The following IKZF3 variants were observed in gnomAD, a reference collection of about 807,000 sequenced individuals.
The protein encoded by IKZF3 is zinc finger protein Aiolos.
IKZF3 carries 10 observed loss-of-function variants against 49.0 expected under a neutral mutation model. The ratio of observed to expected loss-of-function variants is 0.20; its 90% CI spans 0.13 to 0.35. The LOEUF (loss-of-function observed/expected upper bound fraction) is 0.35. IKZF3 is among the 10% of genes least tolerant of loss of function. The probability of loss-of-function intolerance (pLI) is 1.00; values close to 1 mark genes in which losing one functional copy is unlikely to be tolerated. For missense variants in IKZF3, 498 were observed against 664.8 expected (o/e 0.75, Z 2.76); for synonymous variants, 209 against 228.2 (o/e 0.92, Z 0.76).
intron 2 of IKZF3, among the ~76,000 whole-genome samples, chr17:39,830,098 C>T (rs894840086): frequency 1.3e-5 from 2 of 152,146 alleles, no homozygotes; most frequent in East Asian, 1.9e-4. Context: ...GTATATCTCA[C>T]GATATTCAGT....
At chr17:39,781,442 T>C (rs1465838329) in intron 6 of IKZF3, among the ~76,000 whole-genome samples, 2 of 152,136 alleles carry the variant, frequency 1.3e-5, no homozygotes, top group Non-Finnish European at 1.5e-5. Flanking sequence ...AAAAGATTTA[T>C]AGGGAAAAAA....
At chr17:39,789,893 C>T (rs1238662787) in intron 5 of IKZF3, among the ~76,000 whole-genome samples, 40 of 139,862 alleles carry the variant, frequency 2.9e-4, no homozygotes, top group Middle Eastern at 3.7e-3. Context: ...AGCAAGACTC[C>T]GTCTCAAAAA....
At chr17:39,822,316 G>T (rs2061831306) in intron 3 of IKZF3, among the ~76,000 whole-genome samples, 1 of 152,144 alleles carries the variant, frequency 6.6e-6, no homozygotes, top group Non-Finnish European at 1.5e-5. Context: ...CATGTCATAG[G>T]AGGGACCCAG....
chr17:39,855,784 A>G (rs12943472), intron 1 of IKZF3, among the ~76,000 whole-genome samples: 4,064 of 152,268 alleles, frequency 0.027, 190 homozygotes, highest in African/African-American at 0.093. Flanking sequence ...TACTCCCAGA[A>G]ACTTGAGAAA....
In IKZF3 at chr17:39,796,450, T is replaced by C. The variant is rs2061163730; in HGVS notation, c.164-3517A>G. On this transcript the variant is annotated intron_variant, in intron 3 of 7. Transcript: ENST00000346872. ...ATCAACTCTATGTCTTCAGGCTCTC[T>C]AGGTGCCAACTCCTCTTTTCCTTTC... Among the ~76,000 whole-genome samples, 3 of 152,140 alleles carry C rather than the reference T, an allele frequency of 2.0e-5. No homozygotes were observed. The South Asian group carries it at 6.2e-4, about 32-fold the overall frequency.
chr17:39,783,481 C>T (rs1276191435), intron 6 of IKZF3, among the ~76,000 whole-genome samples: 1 of 152,132 alleles, frequency 6.6e-6, no homozygotes, highest in Non-Finnish European at 1.5e-5. Context: ...GCTATCGTGC[C>T]TGGCTAATTT....
intron 1 of IKZF3, among the ~76,000 whole-genome samples, chr17:39,837,567 C>G (rs972988478): frequency 1.3e-5 from 2 of 151,874 alleles, no homozygotes; most frequent in African/African-American, 4.8e-5. Context: ...AACCACCACA[C>G]CTGGCCCAGT....
chr17:39,835,311 G>A (rs778397578), intron 1 of IKZF3: 32 of 539,398 alleles, frequency 5.9e-5, no homozygotes, highest in Admixed American at 1.6e-4. Flanking sequence ...CAGCTGACGC[G>A]CCACGTCCTG....
At chr17:39,787,932 C>T (rs2060912514) in intron 6 of IKZF3, among the ~76,000 whole-genome samples, 1 of 152,232 alleles carries the variant, frequency 6.6e-6, no homozygotes, top group African/African-American at 2.4e-5. Flanking sequence ...GAACTACGTA[C>T]ACTTCTTCAA....
At chr17:39,792,970 A>G (rs757331871) in intron 3 of IKZF3, 37 bp from the exon 4 acceptor site, 4 of 1,600,062 alleles carry the variant, frequency 2.5e-6, no homozygotes, top group Non-Finnish European at 3.4e-6. Context: ...AACAACGACT[A>G]TACTTGAAGC....
intron 7 of IKZF3, among the ~76,000 whole-genome samples, chr17:39,774,569 G>A (rs2060531022): frequency 6.6e-6 from 1 of 151,996 alleles, no homozygotes; most frequent in Non-Finnish European, 1.5e-5. Context: ...CTATCACAAA[G>A]GTTGATTCAA....
chr17:39,850,775 T>G (rs2062835337), intron 1 of IKZF3, among the ~76,000 whole-genome samples: 1 of 119,788 alleles, frequency 8.3e-6, no homozygotes, highest in Non-Finnish European at 1.6e-5. Context: ...ATATAATATA[T>G]AGTATATATA....
chr17:39,832,200 C>A lies in IKZF3; in HGVS notation c.8-49G>T, dbSNP rs1452909435. On this transcript the variant is annotated intron_variant, in intron 1 of 7. Coordinates refer to ENST00000346872, the MANE Select transcript of IKZF3 (RefSeq NM_012481.5). ...ATTAGCTACTTAGGGTACATTTCTA[C>A]AGGTTTGAGCATTCCAAATTTAATA... is the stretch of plus-strand genomic sequence containing the variant. 2.6e-5 allele frequency: 36 copies of A among 1,372,186 alleles called. 1 individual carries two copies. Among genetic ancestry groups the A allele is most frequent in the Non-Finnish European group, 3.7e-5 (36 of 971,498 alleles). The allele number at this position is 1,372,186 out of a possible 1,614,324, so 85.0% of individuals were successfully genotyped here.
chr17:39,848,266 G>T (rs975507686), intron 1 of IKZF3, among the ~76,000 whole-genome samples: 3 of 152,130 alleles, frequency 2.0e-5, no homozygotes, highest in Non-Finnish European at 4.4e-5. Context: ...ACTGTAGACC[G>T]TGGGGCACAG....
At chr17:39,771,934 G>C (rs529963671) in intron 7 of IKZF3, among the ~76,000 whole-genome samples, 162 of 150,426 alleles carry the variant, frequency 1.1e-3, no homozygotes, top group African/African-American at 3.8e-3. Flanking sequence ...TTTTTTCAGA[G>C]ACAGAGTTTC....
At position 39,860,229 on chromosome 17, in the gene IKZF3, C is replaced by G. The variant is rs373902908; in HGVS notation, c.7+3891G>C. Among the ~76,000 whole-genome samples, 188 of 150,928 alleles carry G rather than the reference C, an allele frequency of 1.2e-3. 8 individuals are homozygous for G. In the South Asian group the frequency reaches 0.038, roughly 30 times the overall value. ...GGTAGCCTGGGCAACAGAGCAAGGA[C>G]TATCTCTTTAAAAATAATAATAAAA... On this transcript the variant is annotated intron_variant, in intron 1 of 7. Coordinates refer to ENST00000346872, the MANE Select transcript of IKZF3 (RefSeq NM_012481.5).
At chr17:39,814,888 T>C (rs1394854971) in intron 3 of IKZF3, among the ~76,000 whole-genome samples, 1 of 152,158 alleles carries the variant, frequency 6.6e-6, no homozygotes, top group Non-Finnish European at 1.5e-5. Flanking sequence ...ATGGAAGCCC[T>C]GGAAAACTAA....
chr17:39,840,759 G>A (rs907529611), intron 1 of IKZF3, among the ~76,000 whole-genome samples: 1 of 152,214 alleles, frequency 6.6e-6, no homozygotes, highest in Non-Finnish European at 1.5e-5. Context: ...GGCATGGGAT[G>A]TCAAAATCCA....
intron 5 of IKZF3, among the ~76,000 whole-genome samples, chr17:39,790,707 G>A (rs181770810): frequency 1.5e-3 from 222 of 150,000 alleles, no homozygotes; most frequent in Non-Finnish European, 1.5e-3. Context: ...AAAACATCAC[G>A]ACAGCACATA....
Sources: gnomAD v4.1 joint callset for allele counts (sites outside exome capture counted in the v4.1 genomes callset) on GRCh38, gnomAD v4.1.1 for gene constraint, MANE v1.5 for transcripts, NCBI Gene and HGNC (gene_info 2026-07-23, HGNC 2026-07-21) for gene names.